Variants in BMS1 observed in about 807,000 individuals in gnomAD.
BMS1 encodes ribosome biogenesis protein BMS1 homolog.
A neutral mutation model predicts 138.7 loss-of-function variants in BMS1; 53 were observed. The observed-to-expected ratio is 0.38, with a 90% CI of 0.31 to 0.48. The LOEUF is 0.48. Ranked by LOEUF, BMS1 falls within the 20% of genes least tolerant of loss-of-function variation. BMS1 has a pLI of 0.97. For missense variants in BMS1, 1,360 were observed against 1,565.5 expected, an observed-to-expected ratio of 0.87 and a Z score of 2.22; for synonymous variants, 504 against 539.9, an observed-to-expected ratio of 0.93 and a Z score of 0.92.
chr10:42,830,432 C>T lies in BMS1; in HGVS notation c.3618+10C>T, dbSNP rs771411895. 5.0e-6 allele frequency: 8 copies of T among 1,605,664 alleles called. No individual in the cohort carries two copies. Among genetic ancestry groups the T allele is most frequent in the Non-Finnish European group, 6.8e-6 (8 of 1,178,018 alleles). On this transcript the variant is annotated intron_variant, in intron 22 of 22. Transcript: ENST00000374518. ...GCCTCATGAAAGAAAGGTACTGTTG[C>T]CCATGCTGTACTGCACGCTGCGTTT...
chr10:42,827,357 C>T (rs548204224), intron 21 of BMS1, among the ~76,000 whole-genome samples: 4 of 152,266 alleles, frequency 2.6e-5, no homozygotes, highest in Admixed American at 1.3e-4. Flanking sequence ...CACTAAATGG[C>T]CTGAGACAGT....
intron 21 of BMS1, among the ~76,000 whole-genome samples, chr10:42,826,841 T>C (rs1324303437): frequency 1.3e-5 from 2 of 152,104 alleles, no homozygotes; most frequent in East Asian, 3.9e-4. Flanking sequence ...AAGGCACTGA[T>C]TCCCTGGAAA....
Position 42,830,330 on chromosome 10 carries a change from T to C in BMS1, c.3526T>C (p.Phe1176Leu), listed in dbSNP as rs1270268617. ...IPKALQKALP[F>L]KNKPKTQAKA... ...AAAAGCCTTGCAGAAGGCCCTGCCA[T>C]TTAAGAACAAGCCCAAGACCCAAGC... Residue 1176 changes from phenylalanine to leucine, a missense_variant, in exon 22 of 23, where the codon TTT (phenylalanine) becomes CTT (leucine). By Grantham distance (22) the Phe-to-Leu change is conservative (BLOSUM62 0). This residue lies in a region of BMS1 where 425 missense variants were observed against 568.3 expected (regional missense o/e 0.75). Coordinates refer to ENST00000374518, the MANE Select transcript of BMS1 (RefSeq NM_014753.4). The C allele has an allele frequency of 6.2e-7, 1 of 1,614,018 alleles. No individual in the cohort carries two copies. Among genetic ancestry groups the C allele is most frequent in the Non-Finnish European group, 8.5e-7 (1 of 1,180,028 alleles).
chr10:42,829,769 C>T (rs887365468), intron 21 of BMS1, among the ~76,000 whole-genome samples: 6 of 151,868 alleles, frequency 4.0e-5, no homozygotes, highest in African/African-American at 1.2e-4. Context: ...TTGCATGAGC[C>T]GAGATCACGG....
intron 21 of BMS1, among the ~76,000 whole-genome samples, chr10:42,824,959 C>T (rs1481706997): frequency 1.3e-5 from 2 of 152,010 alleles, no homozygotes; most frequent in African/African-American, 4.8e-5. Context: ...AATCTCTTGG[C>T]TGTTTGGGGT....
chr10:42,792,394 G>T (rs1405497111), intron 6 of BMS1, 99 bp from the exon 7 acceptor site: 2 of 1,477,392 alleles, frequency 1.4e-6, no homozygotes, highest in Non-Finnish European at 1.8e-6. Flanking sequence ...TCTAAATGAC[G>T]TGCTTAATGG....
chr10:42,821,851 C>G (rs1842512045), intron 18 of BMS1, among the ~76,000 whole-genome samples: 1 of 152,296 alleles, frequency 6.6e-6, no homozygotes, highest in Non-Finnish European at 1.5e-5. Context: ...CTGTGCTCGG[C>G]CTCAAGTCAC....
At chr10:42,815,086 G>T (rs970945177) in intron 13 of BMS1, among the ~76,000 whole-genome samples, 40 of 152,140 alleles carry the variant, frequency 2.6e-4, no homozygotes, top group African/African-American at 8.9e-4. Context: ...TCTTAGGAGG[G>T]TATAATGTGT....
Position 42,793,993 on chromosome 10 carries a change from T to C in BMS1, c.1229+2T>C. On this transcript the variant is annotated splice_donor_variant, in intron 9 of 22. Coordinates refer to ENST00000374518, the MANE Select transcript of BMS1 (RefSeq NM_014753.4). LOFTEE classifies it high-confidence loss of function. ...GTCAGAGGATATAGATAATCAAGGG[T>C]AAGTCTGCTTTTTTTCTATTTTTAA... The C allele has an allele frequency of 1.9e-6, 3 of 1,610,946 alleles. No homozygotes were observed. The highest frequency in any genetic ancestry group is 2.5e-6 in the Non-Finnish European group (3 of 1,179,590).
intron 2 of BMS1, 118 bp downstream of exon 2, chr10:42,784,688 T>G (rs1168991226): frequency 2.5e-6 from 3 of 1,209,514 alleles, no homozygotes; most frequent in Non-Finnish European, 3.3e-6. Flanking sequence ...ACATGGAGAT[T>G]CATGGTGTGT....
chr10:42,792,870 C>A, intron 7 of BMS1, 87 bp from the exon 8 acceptor site: 2 of 1,452,200 alleles, frequency 1.4e-6, no homozygotes, highest in Non-Finnish European at 1.9e-6. Context: ...AGCCCTTGGA[C>A]TGTGGATCAT....
intron 16 of BMS1, 24 bp downstream of exon 16, chr10:42,820,448 G>C (rs751731274): frequency 4.3e-6 from 7 of 1,612,236 alleles, no homozygotes; most frequent in Non-Finnish European, 5.9e-6. Context: ...CTACATATTT[G>C]GTGCCTGAGG....
chr10:42,828,944 CT>C (rs1300820016), intron 21 of BMS1, among the ~76,000 whole-genome samples: 1 of 152,172 alleles, frequency 6.6e-6, no homozygotes, highest in East Asian at 1.9e-4. Flanking sequence ...GTAGATTTCT[CT>C]GAATTCTTGA....
At chr10:42,786,817 C>G (rs1245707912) in intron 3 of BMS1, among the ~76,000 whole-genome samples, 4 of 152,084 alleles carry the variant, frequency 2.6e-5, no homozygotes, top group African/African-American at 4.8e-5. Flanking sequence ...ATGTTTGTAG[C>G]TCTAGTGGGA....
chr10:42,826,891 G>A (rs1036534499), intron 21 of BMS1, among the ~76,000 whole-genome samples: 3 of 152,142 alleles, frequency 2.0e-5, no homozygotes, highest in Admixed American at 2.0e-4. Flanking sequence ...GGGGCAGGGC[G>A]CAATGGCAGC....
At chr10:42,813,393 C>T (rs995070584) in intron 13 of BMS1, among the ~76,000 whole-genome samples, 9 of 151,898 alleles carry the variant, frequency 5.9e-5, no homozygotes, top group African/African-American at 1.9e-4. Flanking sequence ...AATGTTGTTG[C>T]GTGTATCTCT....
chr10:42,789,490 C>A (rs1186409419), intron 4 of BMS1, among the ~76,000 whole-genome samples: 4 of 151,984 alleles, frequency 2.6e-5, no homozygotes, highest in African/African-American at 4.8e-5. Flanking sequence ...TTCCAGGAAT[C>A]AATTCTGAAA....
At chr10:42,812,635 G>A (rs1170180651) in intron 13 of BMS1, among the ~76,000 whole-genome samples, 1 of 152,200 alleles carries the variant, frequency 6.6e-6, no homozygotes, top group African/African-American at 2.4e-5. Flanking sequence ...TGACAGCAGT[G>A]TTTTAGTCAC....
intron 13 of BMS1, among the ~76,000 whole-genome samples, chr10:42,808,186 G>A (rs532728513): frequency 1.1e-3 from 169 of 151,950 alleles, no homozygotes; most frequent in East Asian, 2.1e-3. Flanking sequence ...CTCCATCGTC[G>A]GATGTGTGAT....
Sources: allele counts gnomAD v4.1 joint callset (sites outside exome capture counted in the v4.1 genomes callset), GRCh38; gene constraint gnomAD v4.1.1; regional missense constraint gnomAD v4.1.1; transcripts MANE v1.5; gene names NCBI Gene and HGNC (gene_info 2026-07-23, HGNC 2026-07-21).